Variants in KCNC1 observed in about 807,000 individuals in gnomAD.
KCNC1 encodes the protein voltage-gated potassium channel KCNC1.
KCNC1 carries 8 observed loss-of-function variants against 43.4 expected under a neutral mutation model. That is an observed-to-expected ratio of 0.18 (90% CI 0.11 to 0.33). The LOEUF (loss-of-function observed/expected upper bound fraction) is 0.33. KCNC1 is among the 10% of genes least tolerant of loss of function. The pLI is 1.00. For missense variants in KCNC1, 420 were observed against 836.0 expected (o/e 0.50, Z 6.14); for synonymous variants, 361 against 360.5 (o/e 1.00, Z -0.01).
In KCNC1 at chr11:17,776,976, G is replaced by A. The variant is rs1218951369; in HGVS notation, c.1505-2480G>A. The A allele has an allele frequency of 2.0e-6, 2 of 985,324 alleles. No individual in the cohort carries two copies. Among genetic ancestry groups the A allele is most frequent in the African/African-American group, 1.7e-5 (1 of 57,228 alleles). 61.0% of individuals were successfully genotyped at this position (985,324 alleles called of 1,614,324 possible). On this transcript the variant is annotated intron_variant, in intron 2 of 3. Transcript: ENST00000265969. The surrounding 1 kb of genome is among the most constrained non-coding windows in gnomAD (Gnocchi z 4.4). Reference sequence around the variant, plus strand: ...ATCATTAGTCCCTCCTCAAAGGTTAGGGTTGAGAGAAGCAGTAGGCCCTAG... The same window carrying A: ...ATCATTAGTCCCTCCTCAAAGGTTAAGGTTGAGAGAAGCAGTAGGCCCTAG...
rs750127039 is a variant in KCNC1 at position 17,779,401 on chromosome 11, GC to G, written c.1505-49del. On this transcript the variant is annotated intron_variant, in intron 2 of 3. Transcript: ENST00000265969. This position sits in a 1 kb window ranked among gnomAD's most constrained non-coding sequence, Gnocchi z 7.2. ...CCCCGCTTCTGGCCTGTCCCCCCCTGCCCCCCACTAAACAGTTTTCAGTGTC... is the reference window on the plus strand; with the variant it reads ...CCCCGCTTCTGGCCTGTCCCCCCCTGCCCCCACTAAACAGTTTTCAGTGTC... The G allele has an allele frequency of 6.6e-6, 9 of 1,357,286 alleles. No individual in the cohort carries two copies. In the African/African-American group the frequency reaches 9.0e-5, roughly 14 times the overall value. The allele number at this position is 1,357,286 out of a possible 1,614,324, so 84.1% of individuals were successfully genotyped here.
In KCNC1 at chr11:17,739,424, T is replaced by C. The variant is rs1468076414; in HGVS notation, c.570+2852T>C. ...GGTGAGACTGCGACTCTGTGCGAGCTTCCTGAGTCCTTGTGTCAGGGGTTG... is the reference window on the plus strand; with the variant it reads ...GGTGAGACTGCGACTCTGTGCGAGCCTCCTGAGTCCTTGTGTCAGGGGTTG... On this transcript the variant is annotated intron_variant, in intron 1 of 3. Coordinates refer to ENST00000265969, the MANE Select transcript of KCNC1 (RefSeq NM_001112741.2). The surrounding 1 kb of genome is among the most constrained non-coding windows in gnomAD (Gnocchi z 4.2). 1.3e-5 allele frequency among the ~76,000 whole-genome samples: 2 copies of C among 148,912 alleles called. No individual in the cohort carries two copies. Among genetic ancestry groups the C allele is most frequent in the Non-Finnish European group, 3.0e-5 (2 of 67,588 alleles).
intron 1 of KCNC1, among the ~76,000 whole-genome samples, chr11:17,767,398 T>C (rs1182715052): frequency 6.6e-6 from 1 of 152,214 alleles, no homozygotes; most frequent in Non-Finnish European, 1.5e-5. Flanking sequence ...AACCTTTCTG[T>C]ACCTGCATTT....
chr11:17,768,693 G>A (rs1175982292), intron 1 of KCNC1, among the ~76,000 whole-genome samples: 4 of 152,070 alleles, frequency 2.6e-5, no homozygotes, highest in African/African-American at 4.8e-5. Flanking sequence ...CTTCAGCCAG[G>A]ATTGAGAGCC....
intron 2 of KCNC1, chr11:17,774,442 T>C: frequency 1.0e-6 from 1 of 985,480 alleles, no homozygotes; most frequent in Non-Finnish European, 1.2e-6. Flanking sequence ...CAGTCAAGAA[T>C]CCCCAGTGCT....
chr11:17,738,392 C>G (rs1307582440), intron 1 of KCNC1, among the ~76,000 whole-genome samples: 1 of 152,102 alleles, frequency 6.6e-6, no homozygotes, highest in Admixed American at 6.5e-5. Context: ...TGGGCAGAGG[C>G]CTGGGTTACA....
chr11:17,737,115 C>G (rs916471740), intron 1 of KCNC1, among the ~76,000 whole-genome samples: 2 of 152,000 alleles, frequency 1.3e-5, no homozygotes, highest in East Asian at 3.9e-4. Context: ...ACAGACACCC[C>G]CTCCTCAGGG....
intron 1 of KCNC1, among the ~76,000 whole-genome samples, chr11:17,756,513 C>G (rs908989785): frequency 8.3e-6 from 1 of 120,230 alleles, no homozygotes; most frequent in African/African-American, 3.1e-5. Context: ...TTATTCCCTT[C>G]CCTCCAAACA....
rs191475125 is a variant in KCNC1 at position 17,773,994 on chromosome 11, G to A, written c.1504+1396G>A. 238 of 985,456 alleles carry A rather than the reference G, an allele frequency of 2.4e-4. No homozygotes were observed. In the African/African-American group the frequency reaches 3.5e-3, roughly 15 times the overall value. The allele number at this position is 985,456 out of a possible 1,614,324, so 61.0% of individuals were successfully genotyped here. A position where few individuals can be genotyped will look rare whatever the true frequency, so the allele number is the denominator to read the frequency against. On this transcript the variant is annotated intron_variant, in intron 2 of 3. Coordinates refer to ENST00000265969, the MANE Select transcript of KCNC1 (RefSeq NM_001112741.2). This position sits in a 1 kb window ranked among gnomAD's most constrained non-coding sequence, Gnocchi z 4.1. ...ATGATTGATTTTCTTCCCTGCTATC[G>A]CGCTCTCTGACCCACCACCCCATCC...
Position 17,776,529 on chromosome 11 carries a change from A to G in KCNC1, c.1505-2927A>G, listed in dbSNP as rs1006452052. The G allele has an allele frequency of 1.4e-5, 14 of 985,350 alleles. No homozygotes were observed. The South Asian group carries it at 5.2e-4, about 36-fold the overall frequency. The allele number at this position is 985,350 out of a possible 1,614,324, so 61.0% of individuals were successfully genotyped here. A position where few individuals can be genotyped will look rare whatever the true frequency, so the allele number is the denominator to read the frequency against. ...GGGTTCTCCTTGCTCCAAAGTTTAAAAAAAAATGACCCTCTCGCAGATGCT... is the reference window on the plus strand; with the variant it reads ...GGGTTCTCCTTGCTCCAAAGTTTAAGAAAAAATGACCCTCTCGCAGATGCT... On this transcript the variant is annotated intron_variant, in intron 2 of 3. Coordinates refer to ENST00000265969, the MANE Select transcript of KCNC1 (RefSeq NM_001112741.2). This position sits in a 1 kb window ranked among gnomAD's most constrained non-coding sequence, Gnocchi z 4.4.
intron 1 of KCNC1, among the ~76,000 whole-genome samples, chr11:17,741,784 T>C (rs2133779803): frequency 6.6e-6 from 1 of 152,322 alleles, no homozygotes; most frequent in South Asian, 2.1e-4. Flanking sequence ...CGTTTCAGCT[T>C]CTTGCACCTG....
chr11:17,745,362 C>T (rs1465342661), intron 1 of KCNC1, among the ~76,000 whole-genome samples: 1 of 152,160 alleles, frequency 6.6e-6, no homozygotes, highest in African/African-American at 2.4e-5. Context: ...CTGGACTCCT[C>T]TCTCTCTCAG....
At chr11:17,759,470 T>C (rs901911707) in intron 1 of KCNC1, among the ~76,000 whole-genome samples, 1 of 152,214 alleles carries the variant, frequency 6.6e-6, no homozygotes, top group African/African-American at 2.4e-5. Context: ...GCTGACTGTT[T>C]GGTGCAAGAG....
At chr11:17,746,639 C>G (rs1565155742) in intron 1 of KCNC1, among the ~76,000 whole-genome samples, 1 of 152,148 alleles carries the variant, frequency 6.6e-6, no homozygotes, top group Non-Finnish European at 1.5e-5. Context: ...TTCTCTCCTC[C>G]AAAGTCTAGG....
intron 1 of KCNC1, among the ~76,000 whole-genome samples, chr11:17,757,005 G>T (rs892531420): frequency 1.3e-5 from 2 of 148,362 alleles, no homozygotes; most frequent in Non-Finnish European, 3.0e-5. Context: ...CTGAACCTCA[G>T]TTTTTTAATC....
Position 17,739,708 on chromosome 11 carries a change from C to T in KCNC1, c.570+3136C>T, listed in dbSNP as rs979965242. ...GTGTGTGTGTGTGTGTGTGTACATG[C>T]GTGTACACATAAGGCAGGAGGCTGT... On this transcript the variant is annotated intron_variant, in intron 1 of 3. Transcript: ENST00000265969. The surrounding 1 kb of genome is among the most constrained non-coding windows in gnomAD (Gnocchi z 4.2). 6.7e-6 allele frequency among the ~76,000 whole-genome samples: 1 copy of T among 150,226 alleles called. No homozygotes were observed. The highest frequency in any genetic ancestry group is 2.5e-5 in the African/African-American group (1 of 40,706).
chr11:17,759,738 C>T lies in KCNC1; in HGVS notation c.571-11927C>T, dbSNP rs550072665. On this transcript the variant is annotated intron_variant, in intron 1 of 3. Transcript: ENST00000265969. The stretch of plus-strand genomic sequence containing the variant: ...TATCAATTAAGTTTGCCATCTTATA[C>T]GGGTGTGATTTGTGGTTCCCCAAAA... 2.4e-4 allele frequency among the ~76,000 whole-genome samples: 37 copies of T among 152,254 alleles called. No individual in the cohort carries two copies. In the South Asian group the frequency reaches 7.7e-3, roughly 32 times the overall value.
chr11:17,741,131 C>T (rs545328035), intron 1 of KCNC1, among the ~76,000 whole-genome samples: 2 of 152,096 alleles, frequency 1.3e-5, no homozygotes, highest in South Asian at 2.1e-4. Flanking sequence ...CCCAGCCACC[C>T]CAAGGGCCTT....
intron 1 of KCNC1, among the ~76,000 whole-genome samples, chr11:17,765,421 CA>C: frequency 6.6e-6 from 1 of 152,276 alleles, no homozygotes; most frequent in East Asian, 1.9e-4. Context: ...TTTGTGGTTT[CA>C]GGGGTGGGGT....
Sources: gnomAD v4.1 joint callset for allele counts (sites outside exome capture counted in the v4.1 genomes callset) on GRCh38, gnomAD v4.1.1 for gene constraint, Gnocchi (gnomAD v3.1) non-coding constraint, MANE v1.5 for transcripts, NCBI Gene and HGNC (gene_info 2026-07-23, HGNC 2026-07-21) for gene names.